Variants in DNM3 observed in about 807,000 individuals in gnomAD.
The protein encoded by DNM3 is dynamin-3.
In DNM3, 47 loss-of-function variants were observed where a neutral mutation model predicts 101.6. The ratio of observed to expected loss-of-function variants is 0.46; its 90% CI spans 0.37 to 0.59. The LOEUF (loss-of-function observed/expected upper bound fraction) is 0.59. Among genes scored for constraint, DNM3 ranks in the 20% least tolerant of loss-of-function variants. The pLI, the probability that DNM3 is intolerant of heterozygous loss-of-function variation, is 0.00. For synonymous variants in DNM3, 385 were observed against 387.9 expected (o/e 0.99, Z 0.09); for missense variants, 849 against 1,085.7 (o/e 0.78, Z 3.06).
intron 7 of DNM3, among the ~76,000 whole-genome samples, chr1:172,039,149 C>A (rs911838629): frequency 6.6e-6 from 1 of 152,032 alleles, no homozygotes; most frequent in Non-Finnish European, 1.5e-5. Flanking sequence ...CCTTCAAATC[C>A]TTCTGTCTCC....
intron 13 of DNM3, among the ~76,000 whole-genome samples, chr1:172,118,830 A>T (rs986186981): frequency 3.3e-5 from 5 of 151,942 alleles, no homozygotes; most frequent in Non-Finnish European, 1.5e-5. Flanking sequence ...CCCATCTCTC[A>T]TCAGAGATGC....
At chr1:171,945,637 A>C (rs2042125359) in intron 2 of DNM3, among the ~76,000 whole-genome samples, 1 of 152,200 alleles carries the variant, frequency 6.6e-6, no homozygotes. Context: ...TTGGTAGTCT[A>C]AGAGGTTTTT....
chr1:171,948,914 A>G (rs2042332361), intron 2 of DNM3, among the ~76,000 whole-genome samples: 1 of 152,126 alleles, frequency 6.6e-6, no homozygotes, highest in Admixed American at 6.6e-5. Flanking sequence ...CAATTATGTA[A>G]TTTGTTTAGA....
chr1:171,847,900 G>C (rs866784063), intron 1 of DNM3, among the ~76,000 whole-genome samples: 33 of 140,438 alleles, frequency 2.3e-4, no homozygotes, highest in African/African-American at 9.5e-4. Context: ...CTCTCTCTGT[G>C]TGTGTGTGTG....
intron 12 of DNM3, 72 bp from the exon 13 acceptor site, chr1:172,092,752 T>G: frequency 7.0e-7 from 1 of 1,431,476 alleles, no homozygotes; most frequent in South Asian, 1.3e-5. Flanking sequence ...TGTATAAATT[T>G]TAGTATTTGT....
chr1:172,172,351 C>CT (rs1301285856), intron 14 of DNM3, among the ~76,000 whole-genome samples: 2 of 151,560 alleles, frequency 1.3e-5, no homozygotes, highest in East Asian at 1.9e-4. Context: ...GCATACTATG[C>CT]TTTTTTTCCA....
rs2071193835 is a variant in DNM3 at position 172,411,396 on chromosome 1, A to G, written c.*3555A>G. On this transcript the variant is annotated 3_prime_UTR_variant, in exon 21 of 21. Transcript: ENST00000627582. ...AATCTAAGAAGGAATTACCTTTGAC[A>G]ATATTTTTCGGTAAGAAGTAAAACC... 2.0e-6 allele frequency: 2 copies of G among 985,102 alleles called. No individual in the cohort carries two copies. Among genetic ancestry groups the G allele is most frequent in the Non-Finnish European group, 2.4e-6 (2 of 829,684 alleles). 61.0% of individuals were successfully genotyped at this position (985,102 alleles called of 1,614,324 possible). A position where few individuals can be genotyped will look rare whatever the true frequency, so the allele number is the denominator to read the frequency against.
intron 14 of DNM3, among the ~76,000 whole-genome samples, chr1:172,248,481 A>G (rs2148671352): frequency 6.6e-6 from 1 of 152,256 alleles, no homozygotes; most frequent in African/African-American, 2.4e-5. Flanking sequence ...AGCTAAACAT[A>G]AATAAAGATT....
chr1:172,124,606 T>C (rs1170921491), intron 13 of DNM3, among the ~76,000 whole-genome samples: 1 of 152,156 alleles, frequency 6.6e-6, no homozygotes, highest in Non-Finnish European at 1.5e-5. Flanking sequence ...AGCATGTGCT[T>C]AGGAGAAGAG....
intron 14 of DNM3, among the ~76,000 whole-genome samples, chr1:172,250,090 A>G (rs2062111181): frequency 6.6e-6 from 1 of 152,160 alleles, no homozygotes; most frequent in Admixed American, 6.6e-5. Flanking sequence ...ATGCACTTAT[A>G]AATTGAAGCT....
intron 1 of DNM3, among the ~76,000 whole-genome samples, chr1:171,875,782 C>T (rs549332421): frequency 1.4e-5 from 2 of 147,392 alleles, no homozygotes; most frequent in African/African-American, 5.0e-5. Flanking sequence ...TAAATAAATA[C>T]CCCAGCAAGT....
At chr1:172,254,116 T>C (rs1235321057) in intron 15 of DNM3, among the ~76,000 whole-genome samples, 1 of 152,084 alleles carries the variant, frequency 6.6e-6, no homozygotes, top group Non-Finnish European at 1.5e-5. Flanking sequence ...GATAATGTTT[T>C]AAAAATTGTT....
intron 14 of DNM3, among the ~76,000 whole-genome samples, chr1:172,250,606 A>T (rs2062130167): frequency 6.6e-6 from 1 of 152,126 alleles, no homozygotes; most frequent in African/African-American, 2.4e-5. Context: ...AGGGACCTGG[A>T]ATAATGTTGT....
Position 172,096,345 on chromosome 1 carries a change from A to G in DNM3, c.1545+3470A>G, listed in dbSNP as rs150634754. 3.6e-3 allele frequency among the ~76,000 whole-genome samples: 547 copies of G among 152,330 alleles called. 3 individuals carry two copies. The highest frequency in any genetic ancestry group is 0.012 in the African/African-American group (509 of 41,570). ...TAAGGTTTTAAGCACAATCATATTA[A>G]CATTTGTGGAGAAAGGCTTTGAAGG... is the stretch of plus-strand genomic sequence containing the variant. On this transcript the variant is annotated intron_variant, in intron 13 of 20. Coordinates refer to ENST00000627582, the MANE Select transcript of DNM3 (RefSeq NM_015569.5).
At chr1:171,998,583 G>A (rs74922521) in intron 4 of DNM3, among the ~76,000 whole-genome samples, 2,154 of 152,208 alleles carry the variant, frequency 0.014, 48 homozygotes, top group African/African-American at 0.047. Context: ...GAATACAGTG[G>A]TGAAGAAGAC....
At chr1:171,966,571 G>T (rs772866762) in intron 2 of DNM3, among the ~76,000 whole-genome samples, 1 of 152,178 alleles carries the variant, frequency 6.6e-6, no homozygotes. Flanking sequence ...TCGACCCAGG[G>T]TATTCTCCCT....
At chr1:172,391,529 C>T (rs771289845) in intron 20 of DNM3, among the ~76,000 whole-genome samples, 1 of 152,072 alleles carries the variant, frequency 6.6e-6, no homozygotes, top group Non-Finnish European at 1.5e-5. Context: ...GAAGAGAGAA[C>T]GAGAGAAAGA....
At chr1:172,287,810 C>T (rs1294723175) in intron 15 of DNM3, among the ~76,000 whole-genome samples, 1 of 91,286 alleles carries the variant, frequency 1.1e-5, no homozygotes, top group African/African-American at 4.3e-5. Context: ...CACATGCACA[C>T]ACACACACAC....
chr1:172,075,111 A>G (rs1394055027), intron 11 of DNM3, among the ~76,000 whole-genome samples: 6 of 151,674 alleles, frequency 4.0e-5, no homozygotes, highest in African/African-American at 1.5e-4. Context: ...GGCTGCATAA[A>G]TGTCTTCTTT....
Sources: allele counts gnomAD v4.1 joint callset (sites outside exome capture counted in the v4.1 genomes callset), GRCh38; gene constraint gnomAD v4.1.1; transcripts MANE v1.5; gene names NCBI Gene and HGNC (gene_info 2026-07-23, HGNC 2026-07-21).